MIA3: variants seen among roughly 807,000 people sequenced by gnomAD.
The protein encoded by MIA3 is MIA SH3 domain ER export factor 3, also known as transport and Golgi organization protein 1 homolog.
In MIA3, 90 loss-of-function variants were observed where a neutral mutation model predicts 192.4. That is an observed-to-expected ratio of 0.47 (90% CI 0.39 to 0.56). The LOEUF is 0.56. MIA3 is among the 20% of genes least tolerant of loss of function. The probability of loss-of-function intolerance (pLI) is 0.00; values close to 1 mark genes in which losing one functional copy is unlikely to be tolerated. For synonymous variants in MIA3, 740 were observed against 792.8 expected (o/e 0.93, Z 1.12); for missense variants, 2,123 against 2,269.4 (o/e 0.94, Z 1.31).
rs926303248 is a variant in MIA3, at chr1:222,662,046, C to A, written c.5114-10C>A. On this transcript the variant is annotated splice_polypyrimidine_tract_variant and intron_variant, in intron 24 of 27. Transcript: ENST00000344922. ...AATACATATAAGGACTCTGTTATTT[C>A]TTTCTCAAGGATCAGTGGACGGGCC... is the stretch of plus-strand genomic sequence containing the variant. 1 of 1,611,082 alleles carries A rather than the reference C, an allele frequency of 6.2e-7. No individual in the cohort carries two copies. The highest frequency in any genetic ancestry group is 1.7e-5 in the Admixed American group (1 of 59,808).
At position 222,645,856 on chromosome 1, in the gene MIA3, A is replaced by G; in HGVS notation, c.3609+171A>G. 1.1e-5 allele frequency: 6 copies of G among 560,312 alleles called. 1 individual carries two copies. The South Asian group carries it at 1.1e-4, about 11-fold the overall frequency. The allele number at this position is 560,312 out of a possible 1,614,324, so 34.7% of individuals were successfully genotyped here. A position where few individuals can be genotyped will look rare whatever the true frequency, so the allele number is the denominator to read the frequency against. Reference sequence around the variant, plus strand: ...TTTGTGTTGGTAAATTCTTAAGTGAATAAGACAACATGTATAATCTCAGTG... The same window carrying G: ...TTTGTGTTGGTAAATTCTTAAGTGAGTAAGACAACATGTATAATCTCAGTG... On this transcript the variant is annotated intron_variant, in intron 7 of 27. Transcript: ENST00000344922.
intron 6 of MIA3, among the ~76,000 whole-genome samples, chr1:222,642,226 A>G (rs541126647): frequency 7.9e-5 from 12 of 152,300 alleles, no homozygotes; most frequent in African/African-American, 2.9e-4. Flanking sequence ...ATTCATATGC[A>G]AAACTGATCA....
intron 4 of MIA3, 127 bp downstream of exon 4, chr1:222,630,516 G>GGTCCACAT: frequency 1.1e-6 from 1 of 870,544 alleles, no homozygotes; most frequent in East Asian, 2.6e-5. Flanking sequence ...AACACAGGGA[G>GGTCCACAT]GTCCACATGT....
intron 6 of MIA3, chr1:222,641,723 A>G (rs1022455253): frequency 1.4e-5 from 8 of 558,050 alleles, no homozygotes; most frequent in Middle Eastern, 3.1e-4. Context: ...ATGTTCAGAC[A>G]GTCCTTGGCT....
At chr1:222,659,413 C>T (rs1663893668) in intron 19 of MIA3, 40 bp from the exon 20 acceptor site, 2 of 1,578,542 alleles carry the variant, frequency 1.3e-6, no homozygotes, top group Non-Finnish European at 1.7e-6. Context: ...GGTTTTTATT[C>T]AGTTGTGCTT....
rs762809848 is a variant in MIA3, at chr1:222,622,949, T to C, written c.267+1657T>C. On this transcript the variant is annotated intron_variant, in intron 2 of 27. Coordinates refer to ENST00000344922, the MANE Select transcript of MIA3 (RefSeq NM_198551.4). ...CCTGATGATTGTTTAGGTGGCACTT[T>C]GTTTGCACTGTTCATGTGGCATTTG... Among the ~76,000 whole-genome samples, 78 of 152,338 alleles carry C rather than the reference T, an allele frequency of 5.1e-4. 2 individuals carry two copies. In the Middle Eastern group the frequency reaches 0.024, roughly 47 times the overall value.
intron 10 of MIA3, 24 bp downstream of exon 10, chr1:222,650,735 C>T: frequency 6.4e-7 from 1 of 1,565,100 alleles, no homozygotes; most frequent in Non-Finnish European, 8.7e-7. Flanking sequence ...TTGGGGATTA[C>T]ATTTTAAAAC....
Position 222,660,152 on chromosome 1 carries a change from GCTAACAAGATGC to G in MIA3, c.4976-24_4976-13del. ...AAAGAAAAAAAGGCTGTCTTAAAAT[GCTAACAAGATGC>G]TGTCATCTTTAGGTCCTCTGAGCCA... On this transcript the variant is annotated splice_polypyrimidine_tract_variant and intron_variant, in intron 23 of 27. Transcript: ENST00000344922. 6.2e-7 allele frequency: 1 copy of G among 1,606,394 alleles called. No homozygotes were observed. Among genetic ancestry groups the G allele is most frequent in the Non-Finnish European group, 8.5e-7 (1 of 1,177,584 alleles).
chr1:222,638,174 C>G (rs917748014), intron 6 of MIA3, among the ~76,000 whole-genome samples: 7 of 152,024 alleles, frequency 4.6e-5, no homozygotes, highest in Non-Finnish European at 8.8e-5. Context: ...CTTTTTAGTG[C>G]ACATGAAGCG....
chr1:222,621,368 A>G, intron 2 of MIA3, 76 bp downstream of exon 2: 1 of 1,397,894 alleles, frequency 7.2e-7, no homozygotes, highest in South Asian at 1.4e-5. Flanking sequence ...AAATGACTGC[A>G]TTTTCTTGGG....
At chr1:222,622,180 C>T (rs1413172488) in intron 2 of MIA3, among the ~76,000 whole-genome samples, 1 of 152,048 alleles carries the variant, frequency 6.6e-6, no homozygotes. Flanking sequence ...GGAGGTTACC[C>T]CAGGGGATTG....
intron 6 of MIA3, among the ~76,000 whole-genome samples, chr1:222,642,834 A>G (rs950383024): frequency 6.6e-6 from 1 of 152,144 alleles, no homozygotes; most frequent in African/African-American, 2.4e-5. Flanking sequence ...ATGTTTTTAA[A>G]TTATTTGCAT....
rs144346085 is a variant in MIA3, at chr1:222,655,851, A to T, written c.4607+1058A>T. Reference sequence around the variant, plus strand: ...CTTCCCCAAAATTCATTCAGTCTCCATGTGTGGTTTGTACTCTACTGTCCA... The same window carrying T: ...CTTCCCCAAAATTCATTCAGTCTCCTTGTGTGGTTTGTACTCTACTGTCCA... On this transcript the variant is annotated intron_variant, in intron 18 of 27. Transcript: ENST00000344922. Among the ~76,000 whole-genome samples, 20 of 151,200 alleles carry T rather than the reference A, an allele frequency of 1.3e-4. No individual in the cohort carries two copies. In the East Asian group the frequency reaches 3.9e-3, roughly 29 times the overall value.
At position 222,641,681 on chromosome 1, in the gene MIA3, G is replaced by GTT. The variant is rs1662860208; in HGVS notation, c.3478-3872_3478-3871insTT. On this transcript the variant is annotated intron_variant, in intron 6 of 27. Coordinates refer to ENST00000344922, the MANE Select transcript of MIA3 (RefSeq NM_198551.4). ...TATATTAAACTCGTCAGTGGGAGGA[G>GTT]TAATTCTCTTCCCTCATTGTTCTCG... 77 of 546,080 alleles carry GTT rather than the reference G, an allele frequency of 1.4e-4. 1 individual carries two copies. The highest frequency in any genetic ancestry group is 1.0e-3 in the South Asian group (74 of 72,432). 33.8% of individuals were successfully genotyped at this position (546,080 alleles called of 1,614,324 possible). A position where few individuals can be genotyped will look rare whatever the true frequency, so the allele number is the denominator to read the frequency against.
intron 12 of MIA3, 62 bp from the exon 13 acceptor site, chr1:222,652,166 G>A: frequency 6.7e-7 from 1 of 1,482,364 alleles, no homozygotes; most frequent in Non-Finnish European, 9.4e-7. Flanking sequence ...TGTTGGGTTG[G>A]AAAAGTAACT....
chr1:222,664,041 C>T lies in MIA3; in HGVS notation c.5306C>T (p.Pro1769Leu). 6.2e-7 allele frequency: 1 copy of T among 1,614,156 alleles called. No homozygotes were observed. Among genetic ancestry groups the T allele is most frequent in the Non-Finnish European group, 8.5e-7 (1 of 1,180,000 alleles). The change falls in exon 27 of 28, where the codon CCT (proline) becomes CTT (leucine). Residue 1769 changes from proline (P) to leucine (L), a missense_variant. Physicochemically the swap from Pro to Leu is moderately conservative, Grantham distance 98. This residue lies in a region of MIA3 where 762 missense variants were observed against 856.4 expected (regional missense o/e 0.89). Coordinates refer to ENST00000344922, the MANE Select transcript of MIA3 (RefSeq NM_198551.4). ...GGGCCCCCTCCTTTCCCAGGAGTCCCTCTCATGAGCACCCCCATGGGAGGC... is the reference window on the plus strand; with the variant it reads ...GGGCCCCCTCCTTTCCCAGGAGTCCTTCTCATGAGCACCCCCATGGGAGGC... ...PKGPPPFPGV[P>L]LMSTPMGGPV... is the part of the protein sequence containing the mutation.
At chr1:222,664,257 G>A (rs1664169007) in intron 27 of MIA3, 109 bp downstream of exon 27, 7 of 1,144,734 alleles carry the variant, frequency 6.1e-6, no homozygotes, top group African/African-American at 1.5e-5. Context: ...CAGCAGTGAA[G>A]CTGATTGAGT....
In MIA3 at chr1:222,648,862, G is replaced by A. The variant is rs772783155; in HGVS notation, c.3631+12G>A. 3.5e-6 allele frequency: 5 copies of A among 1,441,890 alleles called. No individual in the cohort carries two copies. Among genetic ancestry groups the A allele is most frequent in the Non-Finnish European group, 4.8e-6 (5 of 1,033,636 alleles). 89.3% of individuals were successfully genotyped at this position (1,441,890 alleles called of 1,614,324 possible). A position where few individuals can be genotyped will look rare whatever the true frequency, so the allele number is the denominator to read the frequency against. On this transcript the variant is annotated intron_variant, in intron 8 of 27. Coordinates refer to ENST00000344922, the MANE Select transcript of MIA3 (RefSeq NM_198551.4). ...TAGAGTATATCAAGGTAAATCTTTA[G>A]GCTTTTTTGTTATTTGTACTAGTCC...
Position 222,629,020 on chromosome 1 carries a change from G to A in MIA3, c.1800G>A (p.Leu600=). The change falls in exon 4 of 28, where the codon TTG becomes TTA. Residue 600 remains leucine, a synonymous_variant. Transcript: ENST00000344922. ...GAGACAGTGTGGAGGGAGACGCTTT[G>A]GTAAATGGGGCCAAACTGCACACGC... The part of the protein sequence containing the change: ...ASRDSVEGDA[L]VNGAKLHTLS... 1 of 1,614,174 alleles carries A rather than the reference G, an allele frequency of 6.2e-7. No individual in the cohort carries two copies. The highest frequency in any genetic ancestry group is 8.5e-7 in the Non-Finnish European group (1 of 1,180,030).
Sources: allele counts gnomAD v4.1 joint callset (sites outside exome capture counted in the v4.1 genomes callset), GRCh38; gene constraint gnomAD v4.1.1; regional missense constraint gnomAD v4.1.1; transcripts MANE v1.5; gene names NCBI Gene and HGNC (gene_info 2026-07-23, HGNC 2026-07-21).